The following GALNTL6 variants were observed in gnomAD, a reference collection of about 807,000 sequenced individuals.
The protein encoded by GALNTL6 is polypeptide N-acetylgalactosaminyltransferase like 6.
A neutral mutation model predicts 73.7 loss-of-function variants in GALNTL6; 46 were observed. The ratio of observed to expected loss-of-function variants is 0.62; its 90% CI spans 0.49 to 0.80. GALNTL6 has a LOEUF of 0.80. Ranked by LOEUF, GALNTL6 falls within the 30% of genes least tolerant of loss-of-function variation. The probability of loss-of-function intolerance (pLI) is 0.00; values close to 1 mark genes in which losing one functional copy is unlikely to be tolerated. For missense variants in GALNTL6, 604 were observed against 755.0 expected (o/e 0.80, Z 2.34); for synonymous variants, 259 against 263.7 (o/e 0.98, Z 0.17).
At chr4:172,609,141 C>T (rs1430567128) in intron 5 of GALNTL6, among the ~76,000 whole-genome samples, 1 of 152,062 alleles carries the variant, frequency 6.6e-6, no homozygotes, top group Non-Finnish European at 1.5e-5. Context: ...TTTCTCTTGC[C>T]TGATTGCTCG....
At chr4:172,008,886 T>C (rs1372457598) in intron 2 of GALNTL6, among the ~76,000 whole-genome samples, 1 of 152,034 alleles carries the variant, frequency 6.6e-6, no homozygotes, top group African/African-American at 2.4e-5. Context: ...TGTCTGTGTG[T>C]AGAGGAGGGA....
At chr4:172,750,287 C>T (rs1379886959) in intron 5 of GALNTL6, among the ~76,000 whole-genome samples, 1 of 152,168 alleles carries the variant, frequency 6.6e-6, no homozygotes, top group Admixed American at 6.5e-5. Context: ...TGTGAAGCAA[C>T]ATTCAAAATA....
intron 5 of GALNTL6, among the ~76,000 whole-genome samples, chr4:172,614,518 G>T (rs1738648933): frequency 6.6e-6 from 1 of 152,114 alleles, no homozygotes. Flanking sequence ...CAGAAGAAAA[G>T]TGTTTTTCAC....
chr4:172,085,273 G>C (rs940729191), intron 2 of GALNTL6, among the ~76,000 whole-genome samples: 2 of 152,068 alleles, frequency 1.3e-5, no homozygotes, highest in Non-Finnish European at 2.9e-5. Context: ...TGTATAAATT[G>C]GTTACTTTTT....
intron 2 of GALNTL6, among the ~76,000 whole-genome samples, chr4:171,973,151 T>C (rs1214336850): frequency 6.6e-6 from 1 of 152,156 alleles, no homozygotes; most frequent in Non-Finnish European, 1.5e-5. Context: ...AAGTTGTATG[T>C]GGGAGAAGTG....
chr4:172,818,795 T>G (rs1274228495), intron 7 of GALNTL6, among the ~76,000 whole-genome samples: 2 of 152,146 alleles, frequency 1.3e-5, no homozygotes, highest in African/African-American at 2.4e-5. Flanking sequence ...GACAGGGTTT[T>G]GCCATGTTGG....
chr4:171,827,883 A>AT (rs147916247), intron 2 of GALNTL6, among the ~76,000 whole-genome samples: 1,916 of 152,172 alleles, frequency 0.013, 38 homozygotes, highest in African/African-American at 0.044. Context: ...ATACATTGGA[A>AT]TTTTTTTGGA....
At chr4:172,219,978 T>C (rs1736618900) in intron 2 of GALNTL6, among the ~76,000 whole-genome samples, 1 of 151,822 alleles carries the variant, frequency 6.6e-6, no homozygotes. Flanking sequence ...TAGTGGAAAA[T>C]ATTATATTTT....
chr4:172,191,279 T>C (rs1735575034), intron 2 of GALNTL6, among the ~76,000 whole-genome samples: 1 of 152,202 alleles, frequency 6.6e-6, no homozygotes, highest in South Asian at 2.1e-4. Flanking sequence ...TAATTCTCTC[T>C]CAAAGTCCGT....
intron 2 of GALNTL6, among the ~76,000 whole-genome samples, chr4:172,180,753 G>T (rs578229054): frequency 6.6e-6 from 1 of 152,090 alleles, no homozygotes; most frequent in East Asian, 1.9e-4. Context: ...AAGATCAGAT[G>T]GTTGTAGATG....
At chr4:172,927,007 C>T (rs1748092119) in intron 8 of GALNTL6, among the ~76,000 whole-genome samples, 2 of 152,168 alleles carry the variant, frequency 1.3e-5, no homozygotes, top group Non-Finnish European at 2.9e-5. Context: ...TTGCTTGTCT[C>T]ACAATTTGGA....
intron 8 of GALNTL6, among the ~76,000 whole-genome samples, chr4:172,909,332 A>G (rs901906776): frequency 5.8e-5 from 8 of 138,270 alleles, no homozygotes; most frequent in African/African-American, 2.2e-4. Flanking sequence ...ACTAGAAGCA[A>G]TCAACGAAAA....
At chr4:172,851,419 C>T (rs4999110) in intron 7 of GALNTL6, among the ~76,000 whole-genome samples, 672 of 33,820 alleles carry the variant, frequency 0.02, 4 homozygotes, top group East Asian at 0.1. Context: ...TATATATATA[C>T]ACACACACAC....
At chr4:172,169,844 A>G (rs764056997) in intron 2 of GALNTL6, among the ~76,000 whole-genome samples, 21 of 152,220 alleles carry the variant, frequency 1.4e-4, no homozygotes, top group Middle Eastern at 3.2e-3. Flanking sequence ...CAGAGGTTTA[A>G]TTTCAGAAGT....
At chr4:173,020,006 C>G (rs1259112533) in intron 11 of GALNTL6, among the ~76,000 whole-genome samples, 1 of 152,178 alleles carries the variant, frequency 6.6e-6, no homozygotes, top group African/African-American at 2.4e-5. Context: ...ACAGGGTTTC[C>G]CTGACAGCTC....
intron 2 of GALNTL6, among the ~76,000 whole-genome samples, chr4:171,993,669 C>T (rs961120957): frequency 5.9e-5 from 9 of 151,770 alleles, no homozygotes; most frequent in Admixed American, 2.6e-4. Flanking sequence ...GAGATGCACA[C>T]GTGAGTATGG....
chr4:172,682,339 T>G (rs1732675007), intron 5 of GALNTL6, among the ~76,000 whole-genome samples: 1 of 152,198 alleles, frequency 6.6e-6, no homozygotes, highest in South Asian at 2.1e-4. Flanking sequence ...ATTAAATATT[T>G]TTAATGTGGC....
At chr4:172,750,944 G>A (rs1005577895) in intron 5 of GALNTL6, among the ~76,000 whole-genome samples, 1 of 151,984 alleles carries the variant, frequency 6.6e-6, no homozygotes, top group Non-Finnish European at 1.5e-5. Context: ...AGTAGTCCAG[G>A]TTCTAGGAAT....
chr4:172,978,737 T>G (rs1369183894), intron 10 of GALNTL6, among the ~76,000 whole-genome samples: 1 of 152,240 alleles, frequency 6.6e-6, no homozygotes, highest in Non-Finnish European at 1.5e-5. Context: ...AAACATATAT[T>G]GAGCTCATTC....
Sources: allele counts gnomAD v4.1 joint callset (sites outside exome capture counted in the v4.1 genomes callset), GRCh38; gene constraint gnomAD v4.1.1; transcripts MANE v1.5; gene names NCBI Gene and HGNC (gene_info 2026-07-23, HGNC 2026-07-21).